Variants in DIS3L2 observed in about 807,000 individuals in gnomAD.
DIS3L2 encodes DIS3 like 3'-5' exoribonuclease 2.
In DIS3L2, 34 loss-of-function variants were observed where a neutral mutation model predicts 97.5. The ratio of observed to expected loss-of-function variants is 0.35; its 90% CI spans 0.27 to 0.46. DIS3L2 has a LOEUF of 0.46. DIS3L2 is among the 20% of genes least tolerant of loss of function. The pLI is 1.00. For missense variants in DIS3L2, 1,038 were observed against 1,146.0 expected (o/e 0.91, Z 1.36); for synonymous variants, 435 against 445.2 (o/e 0.98, Z 0.29).
intron 1 of DIS3L2, among the ~76,000 whole-genome samples, chr2:232,000,336 G>C (rs1263160507): frequency 6.6e-6 from 1 of 152,058 alleles, no homozygotes; most frequent in African/African-American, 2.4e-5. Context: ...AACTCTAGTT[G>C]CCGTGATATA....
chr2:232,326,577 C>T (rs564520395), intron 14 of DIS3L2, among the ~76,000 whole-genome samples: 1 of 152,160 alleles, frequency 6.6e-6, no homozygotes, highest in East Asian at 1.9e-4. Context: ...GGGCACCAAA[C>T]AGCCCCTGCA....
At chr2:232,081,474 G>C (rs1038254376) in intron 5 of DIS3L2, among the ~76,000 whole-genome samples, 3 of 131,206 alleles carry the variant, frequency 2.3e-5, no homozygotes, top group Non-Finnish European at 3.3e-5. Context: ...GCAAAATGGC[G>C]ATACCGAAAG....
intron 1 of DIS3L2, among the ~76,000 whole-genome samples, chr2:231,963,009 T>A (rs1692614023): frequency 6.6e-6 from 1 of 152,206 alleles, no homozygotes; most frequent in Non-Finnish European, 1.5e-5. Flanking sequence ...TGATTCCGTG[T>A]GTTTGCTATT....
At chr2:232,085,965 A>G (rs955756495) in intron 5 of DIS3L2, among the ~76,000 whole-genome samples, 13 of 151,960 alleles carry the variant, frequency 8.6e-5, no homozygotes, top group Non-Finnish European at 1.5e-4. Context: ...CTGCCCCCCA[A>G]CTATGCCTGG....
At position 232,334,878 on chromosome 2, in the gene DIS3L2, C is replaced by T. The variant is rs1017708434; in HGVS notation, c.2394+143C>T. 168 of 675,040 alleles carry T rather than the reference C, an allele frequency of 2.5e-4. 2 individuals are homozygous for T. In the Middle Eastern group the frequency reaches 5.4e-3, roughly 22 times the overall value. 41.8% of individuals were successfully genotyped at this position (675,040 alleles called of 1,614,324 possible). On this transcript the variant is annotated intron_variant, in intron 19 of 20. Transcript: ENST00000325385. ...GCCCACCTGATGGGCCTTGCTGAGA[C>T]GCCCAGCTCTCCCACCTGGGATGGT...
At chr2:232,073,181 C>T (rs994949344) in intron 5 of DIS3L2, among the ~76,000 whole-genome samples, 1 of 152,056 alleles carries the variant, frequency 6.6e-6, no homozygotes, top group Non-Finnish European at 1.5e-5. Flanking sequence ...TCCTTTGTCC[C>T]GAGTGTGCCA....
At chr2:232,203,431 G>T (rs1490932280) in intron 9 of DIS3L2, among the ~76,000 whole-genome samples, 2 of 152,160 alleles carry the variant, frequency 1.3e-5, no homozygotes, top group Non-Finnish European at 2.9e-5. Context: ...ATAACACTGT[G>T]GTGTGACCAC....
At position 232,323,938 on chromosome 2, in the gene DIS3L2, C is replaced by T. The variant is rs578201288; in HGVS notation, c.1740-5875C>T. Reference sequence around the variant, plus strand: ...CAGCTCCCAGGCACCCAGCCCCACCCGGCCTGGCCTGGAACAGAGCTGCCA... The same window carrying T: ...CAGCTCCCAGGCACCCAGCCCCACCTGGCCTGGCCTGGAACAGAGCTGCCA... On this transcript the variant is annotated intron_variant, in intron 14 of 20. Coordinates refer to ENST00000325385, the MANE Select transcript of DIS3L2 (RefSeq NM_152383.5). Among the ~76,000 whole-genome samples the T allele has an allele frequency of 8.3e-3, 1,263 of 152,270 alleles. 12 individuals carry two copies. Among genetic ancestry groups the T allele is most frequent in the African/African-American group, 0.028 (1,178 of 41,552 alleles).
chr2:232,176,444 T>C (rs1177813612), intron 9 of DIS3L2, among the ~76,000 whole-genome samples: 1 of 152,056 alleles, frequency 6.6e-6, no homozygotes, highest in Non-Finnish European at 1.5e-5. Context: ...TATTTCCTTC[T>C]CTTTTTTTTT....
chr2:231,996,626 C>T (rs1368273567), intron 1 of DIS3L2, among the ~76,000 whole-genome samples: 1 of 152,076 alleles, frequency 6.6e-6, no homozygotes, highest in Admixed American at 6.5e-5. Context: ...GTACATTTGC[C>T]GTGTTTATCT....
At chr2:232,340,706 C>G (rs1364075846), downstream of DIS3L2, 9 of 469,596 alleles carry the variant, frequency 1.9e-5, no homozygotes, top group South Asian at 1.1e-4. Context: ...GCTCTCAGTT[C>G]TCTCTCCATC....
intron 13 of DIS3L2, among the ~76,000 whole-genome samples, chr2:232,298,943 T>C (rs976429051): frequency 2.6e-5 from 4 of 152,206 alleles, no homozygotes; most frequent in East Asian, 3.8e-4. Context: ...CTGTTCCTGA[T>C]CTTCCATAAC....
intron 9 of DIS3L2, among the ~76,000 whole-genome samples, chr2:232,204,253 C>A (rs1421768014): frequency 6.6e-6 from 1 of 152,000 alleles, no homozygotes; most frequent in African/African-American, 2.4e-5. Context: ...GATGTTAATA[C>A]CTTGAGGAGG....
rs754326555 is a variant in DIS3L2 at position 232,336,598 on chromosome 2, G to T, written c.2626G>T (p.Asp876Tyr). The T allele has an allele frequency of 6.2e-6, 10 of 1,607,892 alleles. No individual in the cohort carries two copies. Among genetic ancestry groups the T allele is most frequent in the Non-Finnish European group, 8.5e-6 (10 of 1,179,840 alleles). ...CCCTGAGAAGGAGGAGGAGGAGTCT[G>T]ACGGTGAGCCCGAGGACTCAAGCAC... Reference protein sequence around the residue: ...LGPEKEEEESDGEPEDSSTS With the variant: ...LGPEKEEEESYGEPEDSSTS The change falls in exon 21 of 21, where the codon GAC (aspartate) becomes TAC (tyrosine). Residue 876 changes from aspartate to tyrosine, a missense_variant. This residue lies in a region of DIS3L2 where 221 missense variants were observed against 246.9 expected (regional missense o/e 0.90). Transcript: ENST00000325385.
intron 5 of DIS3L2, among the ~76,000 whole-genome samples, chr2:232,081,136 A>G (rs1024159914): frequency 1.3e-5 from 2 of 152,084 alleles, no homozygotes; most frequent in African/African-American, 2.4e-5. Context: ...TCCATTTCCT[A>G]TATTGGATCA....
chr2:232,172,247 C>G (rs1013575770), intron 9 of DIS3L2, among the ~76,000 whole-genome samples: 1 of 152,066 alleles, frequency 6.6e-6, no homozygotes, highest in East Asian at 1.9e-4. Flanking sequence ...TATCTAATTC[C>G]AGAACATTTT....
chr2:231,966,171 CTTTT>C (rs59059695), intron 1 of DIS3L2, among the ~76,000 whole-genome samples: 5 of 140,496 alleles, frequency 3.6e-5, no homozygotes, highest in African/African-American at 1.1e-4. Flanking sequence ...TCTTCTTCTT[CTTTT>C]TTTTTTTTTT....
At chr2:232,139,243 C>G (rs1353363090) in intron 8 of DIS3L2, among the ~76,000 whole-genome samples, 2 of 152,188 alleles carry the variant, frequency 1.3e-5, no homozygotes, top group African/African-American at 2.4e-5. Flanking sequence ...TCTTTCACCC[C>G]TGTGACTAGC....
intron 3 of DIS3L2, among the ~76,000 whole-genome samples, chr2:232,023,338 A>G (rs1694572819): frequency 6.6e-6 from 1 of 151,768 alleles, no homozygotes; most frequent in African/African-American, 2.4e-5. Context: ...TAATTTAAAC[A>G]TGGTACAGTG....
Sources: gnomAD v4.1 joint callset for allele counts (sites outside exome capture counted in the v4.1 genomes callset) on GRCh38, gnomAD v4.1.1 for gene constraint, gnomAD v4.1.1 regional missense constraint, MANE v1.5 for transcripts, NCBI Gene and HGNC (gene_info 2026-07-23, HGNC 2026-07-21) for gene names.